ADGRB3: variants seen among roughly 807,000 people sequenced by gnomAD.
ADGRB3 encodes adhesion G protein-coupled receptor B3, also known as brain-specific angiogenesis inhibitor 3.
Under a neutral mutation model 193.4 loss-of-function variants are expected in ADGRB3, and 37 were observed. The ratio of observed to expected loss-of-function variants is 0.19; its 90% CI spans 0.15 to 0.25. The LOEUF (loss-of-function observed/expected upper bound fraction) is 0.25, where lower values mean the gene tolerates loss of function less well. Ranked by LOEUF, ADGRB3 falls within the 10% of genes least tolerant of loss-of-function variation. The pLI, the probability that ADGRB3 is intolerant of heterozygous loss-of-function variation, is 1.00. For synonymous variants in ADGRB3, 690 were observed against 644.2 expected (o/e 1.07, Z -1.08); for missense variants, 1,637 against 1,852.9 (o/e 0.88, Z 2.14).
rs1306814483 is a variant in ADGRB3 at position 69,024,953 on chromosome 6, G to A, written c.2107+6454G>A. Reference sequence around the variant, plus strand: ...TAAAAATACAAAAAATTAGCCGGGCGTGGTGGCGGGCACCTGTAGTCCCAG... The same window carrying A: ...TAAAAATACAAAAAATTAGCCGGGCATGGTGGCGGGCACCTGTAGTCCCAG... On this transcript the variant is annotated intron_variant, in intron 13 of 31. Coordinates refer to ENST00000370598, the MANE Select transcript of ADGRB3 (RefSeq NM_001704.3). Among the ~76,000 whole-genome samples, 5 of 151,988 alleles carry A rather than the reference G, an allele frequency of 3.3e-5. No homozygotes were observed. The South Asian group carries it at 6.2e-4, about 19-fold the overall frequency.
intron 16 of ADGRB3, among the ~76,000 whole-genome samples, chr6:69,071,136 G>T (rs1474396531): frequency 6.6e-6 from 1 of 152,150 alleles, no homozygotes. Context: ...AATGCAGAAT[G>T]GTTGCAGAAT....
chr6:68,723,226 C>T (rs540776857), intron 3 of ADGRB3, among the ~76,000 whole-genome samples: 1 of 151,660 alleles, frequency 6.6e-6, no homozygotes, highest in Admixed American at 6.6e-5. Context: ...GTTCTTAGAT[C>T]AGCTGGACCC....
intron 20 of ADGRB3, among the ~76,000 whole-genome samples, chr6:69,239,590 A>T (rs933423502): frequency 2.0e-5 from 3 of 152,034 alleles, no homozygotes; most frequent in Admixed American, 6.6e-5. Flanking sequence ...GTTTTGGTCT[A>T]ATTTATTAAC....
At chr6:68,861,580 A>G (rs1183902138) in intron 3 of ADGRB3, among the ~76,000 whole-genome samples, 1 of 152,146 alleles carries the variant, frequency 6.6e-6, no homozygotes, top group African/African-American at 2.4e-5. Context: ...AAATAAATAA[A>G]TAAATTCTAC....
At chr6:69,048,896 G>A (rs1771313454) in intron 14 of ADGRB3, among the ~76,000 whole-genome samples, 1 of 152,022 alleles carries the variant, frequency 6.6e-6, no homozygotes, top group African/African-American at 2.4e-5. Flanking sequence ...ATTTTTAATA[G>A]CCTTTAAAAT....
chr6:68,942,885 A>G (rs1767681706), intron 5 of ADGRB3, among the ~76,000 whole-genome samples: 1 of 152,200 alleles, frequency 6.6e-6, no homozygotes, highest in Non-Finnish European at 1.5e-5. Flanking sequence ...CACTGGGATT[A>G]CATGCATGAG....
intron 11 of ADGRB3, among the ~76,000 whole-genome samples, chr6:69,008,949 A>G (rs1769853457): frequency 6.6e-6 from 1 of 152,160 alleles, no homozygotes; most frequent in South Asian, 2.1e-4. Flanking sequence ...TGGTAACATT[A>G]AAATCATCAC....
chr6:68,773,984 G>A (rs1766689910), intron 3 of ADGRB3, among the ~76,000 whole-genome samples: 3 of 152,056 alleles, frequency 2.0e-5, no homozygotes, highest in Admixed American at 2.0e-4. Context: ...TAACTAAGAG[G>A]AGAGCTGGAA....
intron 17 of ADGRB3, among the ~76,000 whole-genome samples, chr6:69,128,124 A>G (rs1773907718): frequency 6.6e-6 from 1 of 152,138 alleles, no homozygotes; most frequent in Non-Finnish European, 1.5e-5. Context: ...GCTGTACCCA[A>G]TCTGCGAAAG....
At chr6:69,257,114 A>G (rs1053063209) in intron 20 of ADGRB3, among the ~76,000 whole-genome samples, 2 of 152,104 alleles carry the variant, frequency 1.3e-5, no homozygotes, top group African/African-American at 2.4e-5. Flanking sequence ...CCAGTATTTT[A>G]TTGAGGATTT....
In ADGRB3 at chr6:69,199,986, G is replaced by C. The variant is rs972376966; in HGVS notation, c.2481-33304G>C. On this transcript the variant is annotated intron_variant, in intron 17 of 31. Coordinates refer to ENST00000370598, the MANE Select transcript of ADGRB3 (RefSeq NM_001704.3). ...ATGTTGATCAAAAAAAAAGGTTTAAGATGAAAAAGCACATCGTTCTGGCAT... is the reference window on the plus strand; with the variant it reads ...ATGTTGATCAAAAAAAAAGGTTTAACATGAAAAAGCACATCGTTCTGGCAT... Among the ~76,000 whole-genome samples the C allele has an allele frequency of 2.0e-5, 3 of 152,042 alleles. No individual in the cohort carries two copies. The East Asian group carries it at 5.8e-4, about 29-fold the overall frequency.
intron 29 of ADGRB3, among the ~76,000 whole-genome samples, chr6:69,372,118 C>T (rs982928594): frequency 3.0e-4 from 46 of 152,054 alleles, no homozygotes; most frequent in African/African-American, 1.1e-3. Context: ...ACATTTTCTC[C>T]TTACTAAAAA....
intron 17 of ADGRB3, among the ~76,000 whole-genome samples, chr6:69,216,630 C>A (rs977689606): frequency 1.3e-5 from 2 of 152,142 alleles, no homozygotes; most frequent in African/African-American, 4.8e-5. Flanking sequence ...ATTCCAAGAA[C>A]ACAGAAAATG....
rs77302283 is a variant in ADGRB3 at position 69,191,074 on chromosome 6, A to G, written c.2481-42216A>G. Among the ~76,000 whole-genome samples, 685 of 152,310 alleles carry G rather than the reference A, an allele frequency of 4.5e-3. 7 individuals are homozygous for G. Among genetic ancestry groups the G allele is most frequent in the African/African-American group, 0.015 (636 of 41,570 alleles). ...GTATTTGTATGGTGTTGTTGAGTTTACAAAATGCTTTCATATACTAAATCC... is the reference window on the plus strand; with the variant it reads ...GTATTTGTATGGTGTTGTTGAGTTTGCAAAATGCTTTCATATACTAAATCC... On this transcript the variant is annotated intron_variant, in intron 17 of 31. Transcript: ENST00000370598.
rs370858741 is a variant in ADGRB3 at position 69,331,048 on chromosome 6, C to T, written c.3102+476C>T. On this transcript the variant is annotated intron_variant, in intron 23 of 31. Transcript: ENST00000370598. ...TCATATGTTTGTTTGTTGCAGAGGC[C>T]GTCTTATGTGTTTTACCAGGTTCCG... 9.5e-4 allele frequency among the ~76,000 whole-genome samples: 144 copies of T among 152,082 alleles called. 1 individual carries two copies. The South Asian group carries it at 0.02, about 21-fold the overall frequency.
At chr6:68,933,456 G>T (rs997376802) in intron 4 of ADGRB3, among the ~76,000 whole-genome samples, 1 of 152,064 alleles carries the variant, frequency 6.6e-6, no homozygotes, top group Non-Finnish European at 1.5e-5. Context: ...AGCTGGGTGT[G>T]GTGGCGCACA....
chr6:69,317,118 T>C (rs1409716994), intron 20 of ADGRB3, among the ~76,000 whole-genome samples: 2 of 151,572 alleles, frequency 1.3e-5, no homozygotes, highest in Admixed American at 1.3e-4. Flanking sequence ...TACAAATGAA[T>C]CAAGTTTTAT....
chr6:68,724,109 A>AC (rs1303006561), intron 3 of ADGRB3, among the ~76,000 whole-genome samples: 1 of 151,498 alleles, frequency 6.6e-6, no homozygotes, highest in African/African-American at 2.4e-5. Context: ...AAAAAAAAAA[A>AC]CAACCTCAGT....
chr6:68,730,692 A>T (rs934569269), intron 3 of ADGRB3, among the ~76,000 whole-genome samples: 1 of 151,632 alleles, frequency 6.6e-6, no homozygotes, highest in Non-Finnish European at 1.5e-5. Context: ...AGACGGTAAA[A>T]CTCAAGAGTC....
Sources: allele counts gnomAD v4.1 joint callset (sites outside exome capture counted in the v4.1 genomes callset), GRCh38; gene constraint gnomAD v4.1.1; transcripts MANE v1.5; gene names NCBI Gene and HGNC (gene_info 2026-07-23, HGNC 2026-07-21).